Variants in DDX11 observed in about 807,000 individuals in gnomAD.
DDX11 encodes the protein ATP-dependent DNA helicase DDX11.
DDX11 carries 72 observed loss-of-function variants against 125.2 expected under a neutral mutation model. That is an observed-to-expected ratio of 0.58 (90% CI 0.48 to 0.70). DDX11 has a LOEUF of 0.70. Among genes scored for constraint, DDX11 ranks in the 30% least tolerant of loss-of-function variants. DDX11 has a pLI of 0.00. For synonymous variants in DDX11, 347 were observed against 452.6 expected (o/e 0.77, Z 2.96); for missense variants, 883 against 1,165.0 (o/e 0.76, Z 3.52).
chr12:31,101,624 G>A (rs1592816974), intron 20 of DDX11: 31 of 622,048 alleles, frequency 5.0e-5, no homozygotes, highest in Admixed American at 1.5e-4. Flanking sequence ...TCAGAAAGGC[G>A]CAGTCAGCAG....
rs545307698 is a variant in DDX11, at chr12:31,091,989, C to T, written c.1242+118C>T. 756 of 1,432,564 alleles carry T rather than the reference C, an allele frequency of 5.3e-4. 1 individual carries two copies. Among genetic ancestry groups the T allele is most frequent in the Non-Finnish European group, 7.2e-4 (744 of 1,029,014 alleles). 88.7% of individuals were successfully genotyped at this position (1,432,564 alleles called of 1,614,324 possible). ...GAGGTGGGGCTTGATAGAGGGTGCA[C>T]GAGTCAAGGCGGTGACCTCATCGGA... On this transcript the variant is annotated intron_variant, in intron 10 of 26. Transcript: ENST00000542838.
At chr12:31,086,169 C>G (rs1393095405) in intron 5 of DDX11, 1 of 452,718 alleles carries the variant, frequency 2.2e-6, no homozygotes. Flanking sequence ...ACCCTGCCCT[C>G]CTCCCTTGGC....
chr12:31,092,982 C>T (rs61273537), intron 11 of DDX11, 90 bp downstream of exon 11: 299,954 of 1,499,208 alleles, frequency 0.2, 32,135 homozygotes, highest in East Asian at 0.39. Context: ...TGGTTCCCAC[C>T]TCTGGCCCGG....
chr12:31,099,054 G>GAAT (rs1411723281), intron 18 of DDX11, among the ~76,000 whole-genome samples: 1 of 130,632 alleles, frequency 7.7e-6, no homozygotes, highest in Non-Finnish European at 1.6e-5. Flanking sequence ...TTTTCAGAAT[G>GAAT]AATCCATACT....
chr12:31,096,783 G>A (rs1199700121), intron 16 of DDX11, 38 bp downstream of exon 16: 4 of 1,614,194 alleles, frequency 2.5e-6, no homozygotes, highest in East Asian at 2.2e-5. Context: ...CCGGCTGCAC[G>A]CATGGGCAAG....
chr12:31,104,097 C>T lies in DDX11; in HGVS notation c.*261C>T, dbSNP rs1177661639. The T allele has an allele frequency of 1.3e-6, 2 of 1,508,594 alleles. No homozygotes were observed. Among genetic ancestry groups the T allele is most frequent in the Non-Finnish European group, 8.9e-7 (1 of 1,127,448 alleles). 93.5% of individuals were successfully genotyped at this position (1,508,594 alleles called of 1,614,324 possible). A position where few individuals can be genotyped will look rare whatever the true frequency, so the allele number is the denominator to read the frequency against. ...GCTCCCCTCCTGGAATAGAATCTTT[C>T]TTTCCATCCTGCATGGCTGAGAGCC... On this transcript the variant is annotated 3_prime_UTR_variant, in exon 27 of 27. Transcript: ENST00000542838.
chr12:31,102,256 C>T lies in DDX11; in HGVS notation c.2216C>T (p.Pro739Leu), dbSNP rs1432002715. ...TGTCTTTCTCAGATATTCCAGGAAC[C>T]TAAGAGCGCACACCAGGTGGAGCAG... ...LAARKKIFQE[P>L]KSAHQVEQVL... Residue 739 changes from proline to leucine, a missense_variant, in exon 22 of 27, where the codon CCT (proline) becomes CTT (leucine). Pro to Leu is a moderately conservative substitution (Grantham distance 98). Coordinates refer to ENST00000542838, the MANE Select transcript of DDX11 (RefSeq NM_030653.4). 1.9e-6 allele frequency: 3 copies of T among 1,614,064 alleles called. No homozygotes were observed. Among genetic ancestry groups the T allele is most frequent in the Non-Finnish European group, 2.5e-6 (3 of 1,179,922 alleles).
At position 31,083,192 on chromosome 12, in the gene DDX11, T is replaced by C. The variant is rs1343032420; in HGVS notation, c.145-621T>C. Among the ~76,000 whole-genome samples, 7 of 152,012 alleles carry C rather than the reference T, an allele frequency of 4.6e-5. No individual in the cohort carries two copies. The East Asian group carries it at 1.3e-3, about 29-fold the overall frequency. ...GGCGCACACCTATGGTCCCAGCCAC[T>C]TGGGAGGCTGAGGCCAGAGAACTGT... On this transcript the variant is annotated intron_variant, in intron 2 of 26. Coordinates refer to ENST00000542838, the MANE Select transcript of DDX11 (RefSeq NM_030653.4).
At chr12:31,095,956 TG>T (rs1364231237) in intron 14 of DDX11, among the ~76,000 whole-genome samples, 1 of 152,118 alleles carries the variant, frequency 6.6e-6, no homozygotes, top group East Asian at 1.9e-4. Context: ...TGAGTGGCAC[TG>T]CCCCAGCCCC....
intron 5 of DDX11, among the ~76,000 whole-genome samples, chr12:31,085,718 C>A (rs1298264031): frequency 6.6e-6 from 1 of 152,226 alleles, no homozygotes; most frequent in African/African-American, 2.4e-5. Flanking sequence ...TGGAACCTCA[C>A]CACCATCCCT....
chr12:31,092,386 A>C (rs1391771957), intron 10 of DDX11, among the ~76,000 whole-genome samples: 1 of 152,132 alleles, frequency 6.6e-6, no homozygotes, highest in East Asian at 1.9e-4. Context: ...CTCTGTCCTG[A>C]GGTCATGCAG....
chr12:31,103,885 C>G lies in DDX11; in HGVS notation c.*49C>G. 1.2e-6 allele frequency: 2 copies of G among 1,613,978 alleles called. No homozygotes were observed. Among genetic ancestry groups the G allele is most frequent in the Non-Finnish European group, 1.7e-6 (2 of 1,179,874 alleles). ...CGCCGTGCCCTTCCTTTGTCCTGCC[C>G]GCTGGAGACAGTGTTTGTCGTGGGC... On this transcript the variant is annotated 3_prime_UTR_variant, in exon 27 of 27. Transcript: ENST00000542838.
At position 31,084,652 on chromosome 12, in the gene DDX11, T is replaced by C; in HGVS notation, c.463T>C (p.Tyr155His). Residue 155 changes from tyrosine (Y) to histidine (H), a missense_variant, in exon 4 of 27, where the codon TAT becomes CAT. By Grantham distance (83) the Tyr-to-His change is moderately conservative (BLOSUM62 2). Coordinates refer to ENST00000542838, the MANE Select transcript of DDX11 (RefSeq NM_030653.4). The part of the protein sequence containing the change: ...QQLQHRVQLK[Y>H]AAKRLRQEEE... Reference sequence around the variant, plus strand: ...GCTGCAGCACAGGGTGCAGCTCAAGTATGCAGCCAAGCGCCTGGTGAGCCT... The same window carrying C: ...GCTGCAGCACAGGGTGCAGCTCAAGCATGCAGCCAAGCGCCTGGTGAGCCT... 1.9e-6 allele frequency: 3 copies of C among 1,589,694 alleles called. No individual in the cohort carries two copies. Among genetic ancestry groups the C allele is most frequent in the Non-Finnish European group, 2.6e-6 (3 of 1,165,566 alleles).
chr12:31,077,889 T>C lies in DDX11; in HGVS notation c.-4-501T>C, dbSNP rs148871694. The C allele has an allele frequency of 7.7e-4, 215 of 279,458 alleles. 1 individual carries two copies. Among genetic ancestry groups the C allele is most frequent in the African/African-American group, 4.5e-3 (201 of 45,102 alleles). The allele number at this position is 279,458 out of a possible 1,614,324, so 17.3% of individuals were successfully genotyped here. A position where few individuals can be genotyped will look rare whatever the true frequency, so the allele number is the denominator to read the frequency against. On this transcript the variant is annotated intron_variant, in intron 1 of 26. Coordinates refer to ENST00000542838, the MANE Select transcript of DDX11 (RefSeq NM_030653.4). ...TAGGGACGTGTATGTTAACTTGCGC[T>C]ATCCAAACAACAAGCTGTGCTTATG...
chr12:31,097,009 G>A lies in DDX11; in HGVS notation c.1762+19G>A, dbSNP rs1430007634. The A allele has an allele frequency of 1.9e-6, 3 of 1,612,980 alleles. No homozygotes were observed. Among genetic ancestry groups the A allele is most frequent in the South Asian group, 1.1e-5 (1 of 90,746 alleles). ...CGCCAAGGTAATCAGGTGGTTCTTG[G>A]CCAGGTTCAGTTCCCAGGAAGGAGC... On this transcript the variant is annotated intron_variant, in intron 17 of 26. Coordinates refer to ENST00000542838, the MANE Select transcript of DDX11 (RefSeq NM_030653.4).
In DDX11 at chr12:31,101,111, A is replaced by G; in HGVS notation, c.2033A>G (p.Lys678Arg). The change falls in exon 20 of 27, where the codon AAA becomes AGA. Residue 678 changes from lysine (K) to arginine (R), a missense_variant. This residue lies in a region of DDX11 where 285 missense variants were observed against 346.0 expected (regional missense o/e 0.82). Transcript: ENST00000542838. Reference protein sequence around the residue: ...SNQPLEFTFQKRELPQMMDEV... With the variant: ...SNQPLEFTFQRRELPQMMDEV... The stretch of plus-strand genomic sequence containing the variant: ...CAGCCGCTGGAATTCACGTTCCAGA[A>G]AAGAGAGCTGCCTCAGATGGTCAGT... 6.2e-7 allele frequency: 1 copy of G among 1,614,190 alleles called. No homozygotes were observed. Among genetic ancestry groups the G allele is most frequent in the Non-Finnish European group, 8.5e-7 (1 of 1,180,026 alleles).
At position 31,093,275 on chromosome 12, in the gene DDX11, C is replaced by T. The variant is rs1944563431; in HGVS notation, c.1320C>T (p.Tyr440=). 2 of 1,613,290 alleles carry T rather than the reference C, an allele frequency of 1.2e-6. No homozygotes were observed. The highest frequency in any genetic ancestry group is 8.5e-7 in the Non-Finnish European group (1 of 1,179,648). Residue 440 remains tyrosine, a synonymous_variant, in exon 12 of 27, where the codon TAC becomes TAT. Transcript: ENST00000542838. ...GKRLKAKNLM[Y]LKQILYLLEK... is the part of the protein sequence containing the mutation. ...GTTTGAAGGCCAAGAACCTGATGTACCTGAAGCAGATCCTGTATTTGCTGG... is the reference window on the plus strand; with the variant it reads ...GTTTGAAGGCCAAGAACCTGATGTATCTGAAGCAGATCCTGTATTTGCTGG...
chr12:31,077,437 A>G (rs1462440432), intron 1 of DDX11, among the ~76,000 whole-genome samples: 1 of 152,156 alleles, frequency 6.6e-6, no homozygotes, highest in Admixed American at 6.5e-5. Flanking sequence ...CCTGTCTGGA[A>G]CCAAACAGAA....
Position 31,087,790 on chromosome 12 carries a change from G to C in DDX11, c.639-148G>C, listed in dbSNP as rs1943420151. 6 of 1,395,138 alleles carry C rather than the reference G, an allele frequency of 4.3e-6. No homozygotes were observed. In the South Asian group the frequency reaches 7.5e-5, roughly 17 times the overall value. 86.4% of individuals were successfully genotyped at this position (1,395,138 alleles called of 1,614,324 possible). A position where few individuals can be genotyped will look rare whatever the true frequency, so the allele number is the denominator to read the frequency against. ...GGTTGGGGTTGGCATTTGCCTGGGG[G>C]AGTTTCTGAGCGAGCAGCACCTGCT... On this transcript the variant is annotated intron_variant, in intron 5 of 26. Coordinates refer to ENST00000542838, the MANE Select transcript of DDX11 (RefSeq NM_030653.4).
Sources: allele counts gnomAD v4.1 joint callset (sites outside exome capture counted in the v4.1 genomes callset), GRCh38; gene constraint gnomAD v4.1.1; regional missense constraint gnomAD v4.1.1; transcripts MANE v1.5; gene names NCBI Gene and HGNC (gene_info 2026-07-23, HGNC 2026-07-21).